Variants in RNF150 observed in about 807,000 individuals in gnomAD.
RNF150 encodes the protein ring finger protein 150.
A neutral mutation model predicts 39.3 loss-of-function variants in RNF150; 24 were observed. The ratio of observed to expected loss-of-function variants is 0.61; its 90% CI spans 0.44 to 0.86. The LOEUF is 0.86. Ranked by LOEUF, RNF150 falls within the 40% of genes least tolerant of loss-of-function variation. The pLI, the probability that RNF150 is intolerant of heterozygous loss-of-function variation, is 0.00. For synonymous variants in RNF150, 255 were observed against 227.3 expected (o/e 1.12, Z -1.10); for missense variants, 502 against 587.8 (o/e 0.85, Z 1.51).
At chr4:141,109,885 T>C (rs548949352) in intron 1 of RNF150, among the ~76,000 whole-genome samples, 207 of 152,320 alleles carry the variant, frequency 1.4e-3, no homozygotes, top group African/African-American at 4.8e-3. Context: ...TCTGTTTCTT[T>C]GCCAATTTAG....
chr4:140,909,956 T>A (rs1187850773), intron 6 of RNF150, among the ~76,000 whole-genome samples: 1 of 152,162 alleles, frequency 6.6e-6, no homozygotes, highest in Non-Finnish European at 1.5e-5. Flanking sequence ...AATGTTCAAA[T>A]CCCATGGATC....
At chr4:140,928,661 C>A (rs1731492553) in intron 4 of RNF150, among the ~76,000 whole-genome samples, 1 of 152,202 alleles carries the variant, frequency 6.6e-6, no homozygotes, top group African/African-American at 2.4e-5. Context: ...ATTCCCCTGC[C>A]TCAGCCTCCT....
intron 1 of RNF150, among the ~76,000 whole-genome samples, chr4:141,104,185 C>G (rs1219783984): frequency 6.6e-6 from 1 of 152,062 alleles, no homozygotes; most frequent in African/African-American, 2.4e-5. Context: ...TGTTCAGAGG[C>G]TGCTGCTCTG....
intron 1 of RNF150, among the ~76,000 whole-genome samples, chr4:141,058,831 T>A (rs76832535): frequency 1.6e-3 from 244 of 152,286 alleles, no homozygotes; most frequent in African/African-American, 5.6e-3. Context: ...CCCGACTAGA[T>A]AAAGTGTCTG....
chr4:141,104,685 G>A lies in RNF150; in HGVS notation c.484+27640C>T, dbSNP rs187281304. ...TTGGTTGCCATATTTAGAGGAGGCTGAATCGTCAACTTCCTTTTGCCAGAA... is the reference window on the plus strand; with the variant it reads ...TTGGTTGCCATATTTAGAGGAGGCTAAATCGTCAACTTCCTTTTGCCAGAA... On this transcript the variant is annotated intron_variant, in intron 1 of 6. Coordinates refer to ENST00000515673, the MANE Select transcript of RNF150 (RefSeq NM_020724.2). Among the ~76,000 whole-genome samples, 11 of 152,318 alleles carry A rather than the reference G, an allele frequency of 7.2e-5. No homozygotes were observed. The East Asian group carries it at 2.1e-3, about 29-fold the overall frequency.
chr4:140,922,073 C>T (rs1417116178), intron 5 of RNF150, among the ~76,000 whole-genome samples: 7 of 151,876 alleles, frequency 4.6e-5, no homozygotes, highest in East Asian at 1.9e-4. Flanking sequence ...CAGGGATGCC[C>T]TCTCTCACCA....
At chr4:141,184,236 A>C (rs1162753646) in intron 1 of RNF150, among the ~76,000 whole-genome samples, 2 of 152,098 alleles carry the variant, frequency 1.3e-5, no homozygotes, top group Non-Finnish European at 2.9e-5. Flanking sequence ...TGTGGTTTTG[A>C]TTTGCATTTC....
chr4:141,194,146 A>G (rs936964318), intron 1 of RNF150, among the ~76,000 whole-genome samples: 1 of 152,236 alleles, frequency 6.6e-6, no homozygotes, highest in African/African-American at 2.4e-5. Context: ...TCATCGATGG[A>G]AAAAATCTGA....
intron 1 of RNF150, among the ~76,000 whole-genome samples, chr4:141,188,571 T>C (rs1310071301): frequency 6.6e-6 from 1 of 152,200 alleles, no homozygotes; most frequent in Non-Finnish European, 1.5e-5. Context: ...TCTCTAATCT[T>C]GTCTTCATGC....
intron 1 of RNF150, among the ~76,000 whole-genome samples, chr4:141,055,478 T>C (rs912430796): frequency 1.3e-5 from 2 of 152,108 alleles, no homozygotes; most frequent in Admixed American, 1.3e-4. Context: ...CTCTAAGAAA[T>C]AATAAAAGCC....
At chr4:141,154,307 G>A (rs1344643790) in intron 1 of RNF150, among the ~76,000 whole-genome samples, 3 of 152,156 alleles carry the variant, frequency 2.0e-5, no homozygotes, top group Non-Finnish European at 4.4e-5. Flanking sequence ...CCCCACTCTG[G>A]TGAAAGGAAT....
intron 4 of RNF150, among the ~76,000 whole-genome samples, chr4:140,937,427 AT>A (rs1179023785): frequency 6.6e-6 from 1 of 151,896 alleles, no homozygotes; most frequent in Admixed American, 6.6e-5. Flanking sequence ...CGCCCATCTA[AT>A]TTTTGTATTT....
intron 2 of RNF150, among the ~76,000 whole-genome samples, chr4:140,956,437 G>C (rs1271456713): frequency 6.6e-6 from 1 of 152,108 alleles, no homozygotes; most frequent in Non-Finnish European, 1.5e-5. Context: ...TCATGAATCT[G>C]GCCTCCCAAC....
At chr4:140,926,105 G>T in intron 4 of RNF150, 32 bp from the exon 5 acceptor site, 1 of 1,484,566 alleles carries the variant, frequency 6.7e-7, no homozygotes, top group South Asian at 1.1e-5. Context: ...TTAGAGCGGC[G>T]GTAACTGCAG....
intron 1 of RNF150, among the ~76,000 whole-genome samples, chr4:140,970,629 A>T (rs141570107): frequency 5.3e-5 from 8 of 152,102 alleles, no homozygotes; most frequent in Admixed American, 2.0e-4. Flanking sequence ...AATACTCATC[A>T]TCCATTTTCA....
chr4:141,024,230 G>T (rs983574737), intron 1 of RNF150, among the ~76,000 whole-genome samples: 5 of 152,046 alleles, frequency 3.3e-5, no homozygotes, highest in African/African-American at 1.2e-4. Flanking sequence ...TTACCACAGT[G>T]AAATACTGAA....
intron 1 of RNF150, among the ~76,000 whole-genome samples, chr4:141,188,017 C>T (rs1044383677): frequency 6.6e-6 from 1 of 152,124 alleles, no homozygotes; most frequent in African/African-American, 2.4e-5. Context: ...GTGCTTCCTT[C>T]CAGAGCTCTT....
At chr4:141,079,280 T>C (rs758800244) in intron 1 of RNF150, among the ~76,000 whole-genome samples, 4 of 152,198 alleles carry the variant, frequency 2.6e-5, no homozygotes, top group Non-Finnish European at 5.9e-5. Flanking sequence ...CTATCAGATT[T>C]TAAATGATCA....
chr4:141,069,981 C>T (rs1301165866), intron 1 of RNF150, among the ~76,000 whole-genome samples: 1 of 151,972 alleles, frequency 6.6e-6, no homozygotes, highest in Non-Finnish European at 1.5e-5. Context: ...AGCGGTCTAT[C>T]AATTTTGTTG....
Sources: gnomAD v4.1 joint callset for allele counts (sites outside exome capture counted in the v4.1 genomes callset) on GRCh38, gnomAD v4.1.1 for gene constraint, MANE v1.5 for transcripts, NCBI Gene and HGNC (gene_info 2026-07-23, HGNC 2026-07-21) for gene names.